Variants in MBTD1 observed in about 807,000 individuals in gnomAD.
MBTD1 encodes MBT domain-containing protein 1.
A neutral mutation model predicts 87.8 loss-of-function variants in MBTD1; 24 were observed. The ratio of observed to expected loss-of-function variants is 0.27; its 90% CI spans 0.20 to 0.38. MBTD1 has a LOEUF of 0.38. Among genes scored for constraint, MBTD1 ranks in the 10% least tolerant of loss-of-function variants. The probability of loss-of-function intolerance (pLI) is 1.00; values close to 1 mark genes in which losing one functional copy is unlikely to be tolerated. For synonymous variants in MBTD1, 237 were observed against 248.6 expected, an observed-to-expected ratio of 0.95 and a Z score of 0.44; for missense variants, 436 against 760.2, an observed-to-expected ratio of 0.57 and a Z score of 5.02.
At chr17:51,224,750 T>C (rs1362182450) in intron 3 of MBTD1, among the ~76,000 whole-genome samples, 1 of 152,248 alleles carries the variant, frequency 6.6e-6, no homozygotes, top group East Asian at 1.9e-4. Context: ...GAGGCATTTC[T>C]TATCTAATTA....
In MBTD1 at chr17:51,259,880, C is replaced by A; in HGVS notation, c.-158G>T. The A allele has an allele frequency of 8.1e-7, 1 of 1,232,086 alleles. No individual in the cohort carries two copies. Among genetic ancestry groups the A allele is most frequent in the Non-Finnish European group, 1.0e-6 (1 of 987,944 alleles). The allele number at this position is 1,232,086 out of a possible 1,614,324, so 76.3% of individuals were successfully genotyped here. A position where few individuals can be genotyped will look rare whatever the true frequency, so the allele number is the denominator to read the frequency against. ...TCAGGGCCTCATGGGTAGGGGTTGT[C>A]CGTGCTCCCCGAGCCCGCGGCGCCC... On this transcript the variant is annotated 5_prime_UTR_variant, in exon 1 of 17. Coordinates refer to ENST00000586178, the MANE Select transcript of MBTD1 (RefSeq NM_017643.3).
chr17:51,260,736 C>A, upstream of MBTD1: 1 of 1,589,328 alleles, frequency 6.3e-7, no homozygotes, highest in Non-Finnish European at 8.6e-7. Context: ...CGGAAACCGC[C>A]GGCCCGGCCG....
chr17:51,235,289 T>C (rs2053771051), intron 2 of MBTD1, among the ~76,000 whole-genome samples: 1 of 151,980 alleles, frequency 6.6e-6, no homozygotes, highest in South Asian at 2.1e-4. Flanking sequence ...GCATGTGCCA[T>C]CATACCCAGC....
chr17:51,196,977 CAAGTTACATACCACGCAACTCCTT>C (rs2051144967), intron 12 of MBTD1, among the ~76,000 whole-genome samples: 1 of 147,450 alleles, frequency 6.8e-6, no homozygotes, highest in Admixed American at 6.9e-5. Context: ...ACACTCAATT[CAAGTTACATACCACGCAACTCCTT>C]GCAGTTGATT....
chr17:51,258,832 C>T (rs1199155310), intron 2 of MBTD1, among the ~76,000 whole-genome samples: 1 of 152,176 alleles, frequency 6.6e-6, no homozygotes, highest in Non-Finnish European at 1.5e-5. Context: ...GCATGTAAGC[C>T]AGCACACTTG....
chr17:51,192,678 G>GGTA, intron 15 of MBTD1, 104 bp downstream of exon 15: 1 of 1,550,418 alleles, frequency 6.4e-7, no homozygotes, highest in Non-Finnish European at 8.7e-7. Flanking sequence ...ATCAGACATA[G>GGTA]GTATATTCTT....
chr17:51,240,389 G>A (rs1283692518), intron 2 of MBTD1, among the ~76,000 whole-genome samples: 1 of 151,986 alleles, frequency 6.6e-6, no homozygotes, highest in Non-Finnish European at 1.5e-5. Context: ...CATTATTTAA[G>A]TTGTCATACA....
At position 51,192,793 on chromosome 17, in the gene MBTD1, G is replaced by A; in HGVS notation, c.1679C>T (p.Pro560Leu). ...GTATACCAACTTACACTGTGATGCT[G>A]GAGGCTGTAGTTGATATCCAGTTAA... ...CQLTGYQLQP[P>L]ASQSSRENQS... is the part of the protein sequence containing the mutation. The change falls in exon 15 of 17, where the codon CCA (proline) becomes CTA (leucine). Residue 560 changes from proline (P) to leucine (L), a missense_variant. Coordinates refer to ENST00000586178, the MANE Select transcript of MBTD1 (RefSeq NM_017643.3). 2 of 1,614,098 alleles carry A rather than the reference G, an allele frequency of 1.2e-6. No individual in the cohort carries two copies. Among genetic ancestry groups the A allele is most frequent in the Non-Finnish European group, 1.7e-6 (2 of 1,179,988 alleles).
At position 51,202,748 on chromosome 17, in the gene MBTD1, T is replaced by C; in HGVS notation, c.1016A>G (p.His339Arg). Residue 339 changes from histidine to arginine, a missense_variant, in exon 10 of 17, where the codon CAT becomes CGT. Coordinates refer to ENST00000586178, the MANE Select transcript of MBTD1 (RefSeq NM_017643.3). ...FWCHMHSPLI[H>R]HIGWSRSIGH... ...TATGCTTCGAGACCAACCAATATGA[T>C]GTATTAATGGGCTGTGCATATGGCA... 1 of 1,614,160 alleles carries C rather than the reference T, an allele frequency of 6.2e-7. No individual in the cohort carries two copies. Among genetic ancestry groups the C allele is most frequent in the Non-Finnish European group, 8.5e-7 (1 of 1,180,002 alleles).
chr17:51,260,512 G>GGCT, upstream of MBTD1: 1 of 1,476,646 alleles, frequency 6.8e-7, no homozygotes, highest in Non-Finnish European at 9.0e-7. Context: ...CGGCGGCGGC[G>GGCT]GCCCGCGAGG....
At chr17:51,211,093 T>C (rs976707260) in intron 6 of MBTD1, among the ~76,000 whole-genome samples, 17 of 144,010 alleles carry the variant, frequency 1.2e-4, no homozygotes, top group African/African-American at 4.4e-4. Flanking sequence ...GCCAAGATGG[T>C]GCCATTACAC....
At chr17:51,207,400 GA>G (rs2051909981) in intron 6 of MBTD1, among the ~76,000 whole-genome samples, 1 of 152,102 alleles carries the variant, frequency 6.6e-6, no homozygotes, top group African/African-American at 2.4e-5. Flanking sequence ...AGAGCAGAAA[GA>G]AAAACAATTC....
chr17:51,189,018 A>G (rs1214989718), intron 16 of MBTD1, among the ~76,000 whole-genome samples: 2 of 152,130 alleles, frequency 1.3e-5, no homozygotes, highest in Admixed American at 6.6e-5. Context: ...TCGGCCTCCC[A>G]AAGTGCTGGG....
chr17:51,227,228 C>G (rs1412738383), intron 2 of MBTD1, among the ~76,000 whole-genome samples: 2 of 116,718 alleles, frequency 1.7e-5, no homozygotes, highest in African/African-American at 7.1e-5. Context: ...GGTGACAGAG[C>G]GAGACTCTGT....
chr17:51,197,059 T>C (rs1414034112), intron 12 of MBTD1, among the ~76,000 whole-genome samples: 5 of 608 alleles, frequency 8.2e-3, no homozygotes, highest in African/African-American at 0.013. Flanking sequence ...TATATATATA[T>C]ATATATATAT....
chr17:51,240,368 C>T (rs574749052), intron 2 of MBTD1, among the ~76,000 whole-genome samples: 7 of 152,100 alleles, frequency 4.6e-5, no homozygotes, highest in Non-Finnish European at 7.4e-5. Context: ...CATTTAGTCA[C>T]CCTAAGTTTT....
chr17:51,259,768 G>A, intron 1 of MBTD1, 67 bp downstream of exon 1: 1 of 1,227,496 alleles, frequency 8.1e-7, no homozygotes, highest in Non-Finnish European at 1.0e-6. Context: ...CGGGGTTCCT[G>A]GGGTCGGAGA....
chr17:51,180,594 G>A lies in MBTD1; in HGVS notation c.1869C>T (p.Tyr623=). The A allele has an allele frequency of 6.5e-7, 1 of 1,547,368 alleles. No homozygotes were observed. The change falls in exon 17 of 17, where the codon TAC becomes TAT. Residue 623 remains tyrosine, a synonymous_variant. Coordinates refer to ENST00000586178, the MANE Select transcript of MBTD1 (RefSeq NM_017643.3). ...AGCCACCTCATGGCTCTTGTTTGATGTAGAAGTTGGCAGAGCCATTGCTTT... is the reference window on the plus strand; with the variant it reads ...AGCCACCTCATGGCTCTTGTTTGATATAGAAGTTGGCAGAGCCATTGCTTT... ...DQESNGSANF[Y]IKQEP
At chr17:51,187,080 T>C (rs1168180053) in intron 16 of MBTD1, among the ~76,000 whole-genome samples, 1 of 152,102 alleles carries the variant, frequency 6.6e-6, no homozygotes, top group East Asian at 1.9e-4. Context: ...TACTTCCAAA[T>C]TCAAAGCTTA....
Sources: gnomAD v4.1 joint callset for allele counts (sites outside exome capture counted in the v4.1 genomes callset) on GRCh38, gnomAD v4.1.1 for gene constraint, MANE v1.5 for transcripts, NCBI Gene and HGNC (gene_info 2026-07-23, HGNC 2026-07-21) for gene names.